Variants in ZNF718 observed in about 807,000 individuals in gnomAD.
ZNF718 encodes zinc finger protein 718.
In ZNF718, 3 loss-of-function variants were observed where a neutral mutation model predicts 2.6. The observed-to-expected ratio is 1.16, with a 90% CI of 0.53 to 3.01. The LOEUF (loss-of-function observed/expected upper bound fraction) is 3.01, where lower values mean the gene tolerates loss of function less well. Ranked by LOEUF, ZNF718 falls within the 30% of genes most tolerant of loss-of-function variation. The pLI is 0.03. For synonymous variants in ZNF718, 135 were observed against 77.9 expected, an observed-to-expected ratio of 1.73 and a Z score of -3.86; for missense variants, 468 against 230.0, an observed-to-expected ratio of 2.03 and a Z score of -6.69.
chr4:151,167 A>T (rs1716303636), intron 3 of ZNF718, among the ~76,000 whole-genome samples: 1 of 152,108 alleles, frequency 6.6e-6, no homozygotes, highest in Admixed American at 6.5e-5. Context: ...TAGTGGTGTG[A>T]TCTCAGCTCC....
intron 3 of ZNF718, among the ~76,000 whole-genome samples, chr4:133,193 AAAAT>A (rs1302747508): frequency 5.4e-4 from 11 of 20,394 alleles, no homozygotes; most frequent in African/African-American, 1.6e-3. Context: ...AAAAAAAAAA[AAAAT>A]ATATATATAT....
At chr4:194,192 C>G (rs1717748498) in intron 3 of ZNF718, among the ~76,000 whole-genome samples, 1 of 152,196 alleles carries the variant, frequency 6.6e-6, no homozygotes, top group African/African-American at 2.4e-5. Context: ...TTTCTAATGT[C>G]TGCAGCTGAC....
chr4:156,384 T>G (rs1553813662), intron 3 of ZNF718, among the ~76,000 whole-genome samples: 1 of 152,224 alleles, frequency 6.6e-6, no homozygotes, highest in East Asian at 1.9e-4. Flanking sequence ...CCTCTATTTA[T>G]TTGTGAATCT....
At chr4:126,084 C>T (rs1432048703) in intron 1 of ZNF718, among the ~76,000 whole-genome samples, 1 of 152,234 alleles carries the variant, frequency 6.6e-6, no homozygotes, top group Non-Finnish European at 1.5e-5. Flanking sequence ...GCCCCCACCC[C>T]ATGGCTCTTG....
chr4:170,705 C>T (rs1050975687), intron 3 of ZNF718, among the ~76,000 whole-genome samples: 3 of 152,074 alleles, frequency 2.0e-5, no homozygotes, highest in African/African-American at 7.2e-5. Flanking sequence ...CCATCAGGTC[C>T]CTTAAGGACT....
downstream of ZNF718, among the ~76,000 whole-genome samples, chr4:166,712 T>C (rs1717095869): frequency 6.6e-6 from 1 of 152,222 alleles, no homozygotes; most frequent in Non-Finnish European, 1.5e-5. Context: ...TTTTTTTTCT[T>C]GTAAATTTGT....
At chr4:195,806 C>T (rs1311187878) in intron 3 of ZNF718, among the ~76,000 whole-genome samples, 2 of 152,140 alleles carry the variant, frequency 1.3e-5, no homozygotes, top group African/African-American at 4.8e-5. Flanking sequence ...CTTGTTTACG[C>T]TGACAACAAG....
At chr4:141,767 T>A (rs1368472091) in intron 3 of ZNF718, among the ~76,000 whole-genome samples, 1 of 152,196 alleles carries the variant, frequency 6.6e-6, no homozygotes, top group Non-Finnish European at 1.5e-5. Context: ...AATTTCCTTG[T>A]ATAAAGCTAC....
chr4:135,732 T>TTATATATATATATA (rs1303050207), intron 3 of ZNF718, among the ~76,000 whole-genome samples: 1,519 of 77,612 alleles, frequency 0.02, 131 homozygotes, highest in African/African-American at 0.059. Flanking sequence ...TACTCTAGAG[T>TTATATATATATATA]TATATATATG....
At chr4:174,471 C>G (rs1308088414) in intron 3 of ZNF718, among the ~76,000 whole-genome samples, 2 of 152,192 alleles carry the variant, frequency 1.3e-5, no homozygotes, top group African/African-American at 4.8e-5. Flanking sequence ...ATTCTTGTCA[C>G]TTTGGGAGAG....
intron 3 of ZNF718, among the ~76,000 whole-genome samples, chr4:136,585 A>C (rs1373108845): frequency 6.6e-6 from 1 of 152,176 alleles, no homozygotes; most frequent in East Asian, 1.9e-4. Flanking sequence ...TCCCTACTTG[A>C]TCTTTGGCTC....
At chr4:141,181 G>GAA (rs113680099) in intron 3 of ZNF718, among the ~76,000 whole-genome samples, 22 of 150,574 alleles carry the variant, frequency 1.5e-4, no homozygotes, top group East Asian at 1.2e-3. Context: ...TGTTATTCAT[G>GAA]AAAAAAAAAG....
At chr4:145,639 A>G (rs969406273) in intron 3 of ZNF718, among the ~76,000 whole-genome samples, 10 of 151,984 alleles carry the variant, frequency 6.6e-5, no homozygotes, top group East Asian at 3.9e-4. Context: ...TGTACTTTAT[A>G]TAGAGGCAGG....
intron 3 of ZNF718, among the ~76,000 whole-genome samples, chr4:181,927 G>C (rs782211419): frequency 1.3e-5 from 2 of 152,064 alleles, no homozygotes; most frequent in East Asian, 3.8e-4. Context: ...TTGGTTTTCA[G>C]TTCCTGCGTT....
chr4:127,078 C>A lies in ZNF718; in HGVS notation c.3+2405C>A, dbSNP rs1380990008. The stretch of plus-strand genomic sequence containing the variant: ...TGACCTCATGATCCACCGGCCTTGG[C>A]CTCCCAAAGTGCTGGGATTATAGGC... On this transcript the variant is annotated intron_variant, in intron 1 of 3. Transcript: ENST00000510175. 2.6e-5 allele frequency among the ~76,000 whole-genome samples: 4 copies of A among 151,970 alleles called. No individual in the cohort carries two copies. The East Asian group carries it at 7.8e-4, about 30-fold the overall frequency.
chr4:200,912 C>T (rs2108819879), intron 3 of ZNF718, among the ~76,000 whole-genome samples: 1 of 152,160 alleles, frequency 6.6e-6, no homozygotes, highest in East Asian at 1.9e-4. Context: ...CATGCAATGC[C>T]TAAAAAGTGC....
At chr4:191,391 A>T (rs1553821207) in intron 3 of ZNF718, among the ~76,000 whole-genome samples, 2 of 152,024 alleles carry the variant, frequency 1.3e-5, no homozygotes, top group African/African-American at 4.8e-5. Context: ...ACCTTAGGTG[A>T]TCCACCTGCC....
chr4:187,084 T>C (rs1553820549), intron 3 of ZNF718, among the ~76,000 whole-genome samples: 1 of 152,186 alleles, frequency 6.6e-6, no homozygotes, highest in Non-Finnish European at 1.5e-5. Context: ...ATGGGGTTAT[T>C]GTGGGGGTTT....
intron 3 of ZNF718, among the ~76,000 whole-genome samples, chr4:140,345 A>T (rs1553810090): frequency 6.6e-6 from 1 of 152,156 alleles, no homozygotes; most frequent in East Asian, 1.9e-4. Context: ...AGAGGTTCTG[A>T]GGTCTGGTAC....
Sources: gnomAD v4.1 joint callset for allele counts (sites outside exome capture counted in the v4.1 genomes callset) on GRCh38, gnomAD v4.1.1 for gene constraint, MANE v1.5 for transcripts, NCBI Gene and HGNC (gene_info 2026-07-23, HGNC 2026-07-21) for gene names.